The following OPTN variants were observed in gnomAD, a reference collection of about 807,000 sequenced individuals.
OPTN encodes the protein optineurin, also known as E3-14.7K-interacting protein.
Under a neutral mutation model 70.4 loss-of-function variants are expected in OPTN, and 54 were observed. The observed-to-expected ratio is 0.77, with a 90% confidence interval of 0.62 to 0.96. OPTN has a LOEUF of 0.96. Among genes scored for constraint, OPTN ranks in the 40% least tolerant of loss-of-function variants. The probability of loss-of-function intolerance (pLI) is 0.00; values close to 1 mark genes in which losing one functional copy is unlikely to be tolerated. For synonymous variants in OPTN, 256 were observed against 248.5 expected (o/e 1.03, Z -0.28); for missense variants, 624 against 673.2 (o/e 0.93, Z 0.81).
Position 13,136,923 on chromosome 10 carries a change from G to C in OPTN, c.*57G>C. 1.2e-6 allele frequency: 2 copies of C among 1,608,534 alleles called. No individual in the cohort carries two copies. The highest frequency in any genetic ancestry group is 1.7e-6 in the Non-Finnish European group (2 of 1,175,846). On this transcript the variant is annotated 3_prime_UTR_variant, in exon 15 of 15. Transcript: ENST00000378747. ...GTAAATGTCAGATTTTTTCCTCCAA[G>C]AGTTGTGCTTTTGTGTTATTTGTTT...
At chr10:13,116,736 C>T (rs1277367513) in intron 6 of OPTN, among the ~76,000 whole-genome samples, 3 of 152,206 alleles carry the variant, frequency 2.0e-5, no homozygotes, top group African/African-American at 4.8e-5. Context: ...ATTTTCTTTT[C>T]CCTGCTACTT....
rs370838021 is a variant in OPTN, at chr10:13,117,181, C to T, written c.626+841C>T. ...CTGCAAGCTCCGCCTCCCGGGTTCA[C>T]GCCATTCTCCTGCCTTAGCCTCCCG... On this transcript the variant is annotated intron_variant, in intron 6 of 14. Transcript: ENST00000378747. Among the ~76,000 whole-genome samples, 334 of 145,632 alleles carry T rather than the reference C, an allele frequency of 2.3e-3. 1 individual carries two copies. Among genetic ancestry groups the T allele is most frequent in the African/African-American group, 7.5e-3 (299 of 39,714 alleles).
At chr10:13,109,834 C>CA (rs33911800) in intron 3 of OPTN, among the ~76,000 whole-genome samples, 19,594 of 84,832 alleles carry the variant, frequency 0.23, 4,471 homozygotes, top group African/African-American at 0.59. Context: ...GACCCTGACT[C>CA]AAAAAAAAAA....
chr10:13,122,772 G>A (rs1833379501), intron 8 of OPTN: 1 of 358,014 alleles, frequency 2.8e-6, no homozygotes, highest in Admixed American at 3.8e-5. Flanking sequence ...CGCCTCCCAG[G>A]TTCAAGCAGT....
intron 1 of OPTN, among the ~76,000 whole-genome samples, chr10:13,103,238 C>A (rs1832787908): frequency 6.6e-6 from 1 of 152,206 alleles, no homozygotes; most frequent in South Asian, 2.1e-4. Context: ...TAGAATCTTA[C>A]CCCCCTTGTG....
At position 13,122,098 on chromosome 10, in the gene OPTN, A is replaced by G. The variant is rs1483925120; in HGVS notation, c.780-287A>G. On this transcript the variant is annotated intron_variant, in intron 7 of 14. Coordinates refer to ENST00000378747, the MANE Select transcript of OPTN (RefSeq NM_001008212.2). ...TGCATCCACATGTGTAAACACAAAC[A>G]ATTTCAAAAACATTGCTGCATAGGA... Among the ~76,000 whole-genome samples the G allele has an allele frequency of 2.6e-5, 4 of 152,224 alleles. No homozygotes were observed. In the East Asian group the frequency reaches 7.7e-4, roughly 29 times the overall value.
Position 13,137,076 on chromosome 10 carries a change from T to G in OPTN, c.*210T>G. ...GGGTGGATCACTTGGGGTCAGGGTT[T>G]GAGACCAGCCTGGCCAACATGGCGG... On this transcript the variant is annotated 3_prime_UTR_variant, in exon 15 of 15. Transcript: ENST00000378747. 1 of 593,692 alleles carries G rather than the reference T, an allele frequency of 1.7e-6. No individual in the cohort carries two copies. The highest frequency in any genetic ancestry group is 1.8e-5 in the South Asian group (1 of 56,190). 36.8% of individuals were successfully genotyped at this position (593,692 alleles called of 1,614,324 possible). A position where few individuals can be genotyped will look rare whatever the true frequency, so the allele number is the denominator to read the frequency against.
intron 14 of OPTN, 34 bp from the exon 15 acceptor site, chr10:13,136,711 A>G (rs771533871): frequency 1.3e-5 from 21 of 1,613,628 alleles, no homozygotes; most frequent in Middle Eastern, 3.3e-4. Flanking sequence ...TGCCTGCAAA[A>G]TGGAACTAAT....
intron 14 of OPTN, among the ~76,000 whole-genome samples, chr10:13,136,516 A>AAAAAAAAAAAAAAAAAAC (rs1833703946): frequency 6.6e-6 from 1 of 151,346 alleles, no homozygotes; most frequent in Non-Finnish European, 1.5e-5. Flanking sequence ...AAAAAAAAAA[A>AAAAAAAAAAAAAAAAAAC]AAAAAAAAAA....
chr10:13,120,268 G>C (rs948666234), intron 7 of OPTN, among the ~76,000 whole-genome samples: 1 of 151,938 alleles, frequency 6.6e-6, no homozygotes, highest in African/African-American at 2.4e-5. Context: ...GATTACAGGC[G>C]TGAGCCACCG....
At position 13,117,291 on chromosome 10, in the gene OPTN, A is replaced by G. The variant is rs570389833; in HGVS notation, c.626+951A>G. Among the ~76,000 whole-genome samples, 7 of 151,886 alleles carry G rather than the reference A, an allele frequency of 4.6e-5. No homozygotes were observed. In the South Asian group the frequency reaches 6.3e-4, roughly 14 times the overall value. On this transcript the variant is annotated intron_variant, in intron 6 of 14. Coordinates refer to ENST00000378747, the MANE Select transcript of OPTN (RefSeq NM_001008212.2). ...GAGATGGGGTTTCACCGTGTTAGCC[A>G]GGATGGTCTCGATCTCCTGACCTCG...
chr10:13,119,981 CTTTT>C (rs35284693), intron 7 of OPTN, among the ~76,000 whole-genome samples: 2 of 117,646 alleles, frequency 1.7e-5, no homozygotes. Flanking sequence ...TATTTTCTTT[CTTTT>C]TTTTTTTTTT....
chr10:13,123,237 A>G (rs977137709), intron 8 of OPTN: 2 of 152,860 alleles, frequency 1.3e-5, no homozygotes, highest in African/African-American at 4.8e-5. Flanking sequence ...CTGGTAATTG[A>G]GAGAGGTGCC....
chr10:13,103,130 C>T (rs1040111117), intron 1 of OPTN, among the ~76,000 whole-genome samples: 7 of 151,994 alleles, frequency 4.6e-5, no homozygotes, highest in African/African-American at 1.7e-4. Flanking sequence ...CACAATATCC[C>T]TTCTAGTGTG....
intron 13 of OPTN, 120 bp downstream of exon 13, chr10:13,132,317 C>T: frequency 9.7e-7 from 1 of 1,033,694 alleles, no homozygotes; most frequent in Non-Finnish European, 1.4e-6. Context: ...CACTGCACTC[C>T]TGCCTAGGTG....
chr10:13,112,778 C>A, intron 5 of OPTN, 143 bp downstream of exon 5: 2 of 778,598 alleles, frequency 2.6e-6, no homozygotes, highest in Non-Finnish European at 4.3e-6. Context: ...CTCTCATTTT[C>A]TAAGTATAGC....
At chr10:13,113,896 T>TA (rs140128491) in intron 5 of OPTN, among the ~76,000 whole-genome samples, 3,163 of 147,494 alleles carry the variant, frequency 0.021, 48 homozygotes, top group Non-Finnish European at 0.034. Flanking sequence ...TGTGTGTACA[T>TA]AAAAAAAAAA....
chr10:13,130,160 C>T (rs1415066986), intron 12 of OPTN, among the ~76,000 whole-genome samples: 1 of 152,104 alleles, frequency 6.6e-6, no homozygotes, highest in African/African-American at 2.4e-5. Context: ...GGCATGGTGG[C>T]TCACACCTGT....
At position 13,137,329 on chromosome 10, in the gene OPTN, A is replaced by G. The variant is rs1221935071; in HGVS notation, c.*463A>G. On this transcript the variant is annotated 3_prime_UTR_variant, in exon 15 of 15. Transcript: ENST00000378747. ...GAAGGAGAAGGAAGGAAGGAGAAGA[A>G]AAGGTACCTGTTCTACGTAGAACAC... 2 of 315,506 alleles carry G rather than the reference A, an allele frequency of 6.3e-6. No individual in the cohort carries two copies. The highest frequency in any genetic ancestry group is 4.2e-5 in the African/African-American group (2 of 47,522). 19.5% of individuals were successfully genotyped at this position (315,506 alleles called of 1,614,324 possible). A position where few individuals can be genotyped will look rare whatever the true frequency, so the allele number is the denominator to read the frequency against.
Sources: allele counts gnomAD v4.1 joint callset (sites outside exome capture counted in the v4.1 genomes callset), GRCh38; gene constraint gnomAD v4.1.1; transcripts MANE v1.5; gene names NCBI Gene and HGNC (gene_info 2026-07-23, HGNC 2026-07-21).